The following UGT1A8 variants were observed in gnomAD, a reference collection of about 807,000 sequenced individuals.
The protein encoded by UGT1A8 is UDP glucuronosyltransferase family 1 member A8.
In UGT1A8, 39 loss-of-function variants were observed where a neutral mutation model predicts 45.3. That is an observed-to-expected ratio of 0.86 (90% CI 0.67 to 1.12). The LOEUF (loss-of-function observed/expected upper bound fraction) is 1.12. Ranked by LOEUF, UGT1A8 falls within the 50% of genes most tolerant of loss-of-function variation. The pLI is 0.00. For missense variants in UGT1A8, 719 were observed against 664.9 expected (o/e 1.08, Z -0.90); for synonymous variants, 275 against 249.2 (o/e 1.10, Z -0.97).
rs201536382 is a variant in UGT1A8, at chr2:233,713,021, G to A, written c.856-54013G>A. On this transcript the variant is annotated intron_variant, in intron 1 of 4. Transcript: ENST00000373450. ...CCACAGGACTCCAGGTTCCCCTGCC[G>A]CAGCTGGCCACAGGACTGCTGCTTC... 56 of 1,613,716 alleles carry A rather than the reference G, an allele frequency of 3.5e-5. No individual in the cohort carries two copies. In the African/African-American group the frequency reaches 4.5e-4, roughly 13 times the overall value.
intron 1 of UGT1A8, among the ~76,000 whole-genome samples, chr2:233,765,679 C>T (rs750579921): frequency 2.7e-5 from 4 of 150,004 alleles, no homozygotes; most frequent in Non-Finnish European, 4.4e-5. Flanking sequence ...CATATGTATC[C>T]CAGAACTTCA....
At chr2:233,661,682 T>TCTTTCTTTC (rs1559329471) in intron 1 of UGT1A8, among the ~76,000 whole-genome samples, 2 of 150,256 alleles carry the variant, frequency 1.3e-5, no homozygotes, top group African/African-American at 2.4e-5. Flanking sequence ...TTTCTTTCTT[T>TCTTTCTTTC]TTAAACAAAG....
At chr2:233,743,773 C>CT in intron 1 of UGT1A8, 1 of 1,367,366 alleles carries the variant, frequency 7.3e-7, no homozygotes, top group Non-Finnish European at 9.8e-7. Flanking sequence ...CCTCGGCCAC[C>CT]TGCTTGAATC....
intron 1 of UGT1A8, among the ~76,000 whole-genome samples, chr2:233,651,344 A>G (rs1484570356): frequency 6.6e-6 from 1 of 152,174 alleles, no homozygotes; most frequent in Non-Finnish European, 1.5e-5. Context: ...ATTTTATATC[A>G]CCTATCATGT....
intron 1 of UGT1A8, chr2:233,754,702 T>A (rs1695559968): frequency 5.8e-6 from 3 of 514,810 alleles, no homozygotes; most frequent in Non-Finnish European, 1.1e-5. Context: ...GAAGTCGACA[T>A]GGACTTGAAG....
chr2:233,674,249 A>G (rs1418915824), intron 1 of UGT1A8, among the ~76,000 whole-genome samples: 1 of 152,190 alleles, frequency 6.6e-6, no homozygotes, highest in Non-Finnish European at 1.5e-5. Flanking sequence ...TGCTCTTTCT[A>G]AAAAGCAGGA....
At chr2:233,682,936 T>C in intron 1 of UGT1A8, 1 of 1,440,140 alleles carries the variant, frequency 6.9e-7, no homozygotes, top group Non-Finnish European at 9.2e-7. Context: ...CCAATTCACT[T>C]AATTGTTGGG....
intron 4 of UGT1A8, 140 bp downstream of exon 4, chr2:233,768,579 CTTCTT>C (rs1699651499): frequency 9.6e-6 from 9 of 934,870 alleles, no homozygotes; most frequent in Non-Finnish European, 1.1e-5. Flanking sequence ...ATTTTTATTT[CTTCTT>C]TTTTTTTTTT....
chr2:233,647,403 A>G (rs1364249009), intron 1 of UGT1A8, among the ~76,000 whole-genome samples: 1 of 152,210 alleles, frequency 6.6e-6, no homozygotes, highest in East Asian at 1.9e-4. Flanking sequence ...GTCTCACAGA[A>G]TGAATTAGGG....
At chr2:233,660,660 A>C (rs139472545) in intron 1 of UGT1A8, among the ~76,000 whole-genome samples, 78 of 152,324 alleles carry the variant, frequency 5.1e-4, no homozygotes, top group African/African-American at 1.8e-3. Flanking sequence ...TATTTGCATA[A>C]GACGACAGAG....
At chr2:233,674,681 G>A (rs2074292796) in intron 1 of UGT1A8, among the ~76,000 whole-genome samples, 1 of 152,118 alleles carries the variant, frequency 6.6e-6, no homozygotes, top group Non-Finnish European at 1.5e-5. Context: ...GTGTTTATGT[G>A]TCTATTAAAG....
chr2:233,747,040 A>T (rs1268606849), intron 1 of UGT1A8, among the ~76,000 whole-genome samples: 1 of 151,966 alleles, frequency 6.6e-6, no homozygotes, highest in Admixed American at 6.5e-5. Context: ...GGGACCCATA[A>T]TGAAAGACAA....
intron 1 of UGT1A8, among the ~76,000 whole-genome samples, chr2:233,626,638 G>A (rs1262562474): frequency 6.6e-6 from 1 of 151,926 alleles, no homozygotes; most frequent in Non-Finnish European, 1.5e-5. Context: ...CATCTTCAAT[G>A]GTGTAATCCT....
chr2:233,662,817 G>GT (rs34052709), intron 1 of UGT1A8, among the ~76,000 whole-genome samples: 19,707 of 139,242 alleles, frequency 0.14, 1,484 homozygotes, highest in Non-Finnish European at 0.19. Context: ...TTTGCTGAGA[G>GT]TTTTTTTTTT....
chr2:233,718,906 G>C (rs1018341076), intron 1 of UGT1A8: 4 of 1,613,954 alleles, frequency 2.5e-6, no homozygotes, highest in Admixed American at 1.7e-5. Context: ...GCTGAGAGTG[G>C]AAAGGTGTTG....
intron 1 of UGT1A8, among the ~76,000 whole-genome samples, chr2:233,657,226 C>T (rs1264607173): frequency 6.6e-6 from 1 of 152,210 alleles, no homozygotes; most frequent in Non-Finnish European, 1.5e-5. Context: ...TTTTATGCCA[C>T]TCTTCATGCT....
chr2:233,760,523 A>G lies in UGT1A8; in HGVS notation c.856-6511A>G, dbSNP rs1697475352. 6.2e-7 allele frequency: 1 copy of G among 1,614,204 alleles called. No individual in the cohort carries two copies. The highest frequency in any genetic ancestry group is 8.5e-7 in the Non-Finnish European group (1 of 1,180,040). On this transcript the variant is annotated intron_variant, in intron 1 of 4. Coordinates refer to ENST00000373450, the MANE Select transcript of UGT1A8 (RefSeq NM_019076.5). ...GGAGCATTTTACACCTTGAAGACGT[A>G]CCCTGTGCCATTCCAAAGGGAGGAT...
chr2:233,697,746 G>C (rs1034433125), intron 1 of UGT1A8, among the ~76,000 whole-genome samples: 10 of 151,906 alleles, frequency 6.6e-5, no homozygotes, highest in Non-Finnish European at 1.5e-4. Context: ...TTTTGCTATA[G>C]CCCATAGATT....
At chr2:233,632,707 C>G (rs527407895) in intron 1 of UGT1A8, among the ~76,000 whole-genome samples, 1 of 152,136 alleles carries the variant, frequency 6.6e-6, no homozygotes, top group Non-Finnish European at 1.5e-5. Context: ...TCTGAAGTTG[C>G]TTATCAGCTT....
Sources: allele counts gnomAD v4.1 joint callset (sites outside exome capture counted in the v4.1 genomes callset), GRCh38; gene constraint gnomAD v4.1.1; transcripts MANE v1.5; gene names NCBI Gene and HGNC (gene_info 2026-07-23, HGNC 2026-07-21).